TRPM3: variants seen among roughly 807,000 people sequenced by gnomAD.
TRPM3 encodes transient receptor potential cation channel subfamily M member 3, also known as long transient receptor potential channel 3.
A neutral mutation model predicts 181.2 loss-of-function variants in TRPM3; 77 were observed. The observed-to-expected ratio is 0.42, with a 90% CI of 0.35 to 0.51. The LOEUF is 0.51. TRPM3 is among the 20% of genes least tolerant of loss of function. The pLI is 0.01. For missense variants in TRPM3, 1,759 were observed against 2,196.7 expected, an observed-to-expected ratio of 0.80 and a Z score of 3.98; for synonymous variants, 745 against 796.4, an observed-to-expected ratio of 0.94 and a Z score of 1.09.
chr9:71,210,907 T>C (rs773235559), intron 1 of TRPM3, among the ~76,000 whole-genome samples: 1 of 152,216 alleles, frequency 6.6e-6, no homozygotes, highest in Non-Finnish European at 1.5e-5. Flanking sequence ...ACAGAGAACG[T>C]AAGAAGGCAT....
At chr9:71,037,266 C>G (rs2058316880) in intron 1 of TRPM3, among the ~76,000 whole-genome samples, 1 of 152,118 alleles carries the variant, frequency 6.6e-6, no homozygotes, top group Admixed American at 6.5e-5. Flanking sequence ...GTATATAAGA[C>G]CAGTCTACTT....
At chr9:71,270,044 A>T (rs1025053603) in intron 1 of TRPM3, among the ~76,000 whole-genome samples, 1 of 152,078 alleles carries the variant, frequency 6.6e-6, no homozygotes, top group East Asian at 1.9e-4. Context: ...TTCTTTTCTC[A>T]TAATTGTATT....
At chr9:70,604,194 C>T (rs1363405581) in intron 19 of TRPM3, among the ~76,000 whole-genome samples, 1 of 152,124 alleles carries the variant, frequency 6.6e-6, no homozygotes, top group Non-Finnish European at 1.5e-5. Flanking sequence ...GGGGTTGAAT[C>T]CTGATGTGAC....
At chr9:71,276,182 G>A (rs2084199332) in intron 1 of TRPM3, among the ~76,000 whole-genome samples, 1 of 152,086 alleles carries the variant, frequency 6.6e-6, no homozygotes, top group Non-Finnish European at 1.5e-5. Context: ...TGGAACAACT[G>A]ACTACATACG....
rs965033951 is a variant in TRPM3, at chr9:71,249,119, A to T, written c.183+197534T>A. On this transcript the variant is annotated intron_variant, in intron 1 of 24. Coordinates refer to the TRPM3 transcript ENST00000357533. ...GTTAATAGCAAAACTCATCTGGAGG[A>T]TCTTTAAAATGCTCTGAAAGTAATC... 2.0e-5 allele frequency among the ~76,000 whole-genome samples: 3 copies of T among 152,312 alleles called. No individual in the cohort carries two copies. The East Asian group carries it at 5.8e-4, about 29-fold the overall frequency.
At chr9:70,674,724 A>ATTT (rs67630432) in intron 9 of TRPM3, among the ~76,000 whole-genome samples, 6,807 of 97,840 alleles carry the variant, frequency 0.07, 526 homozygotes, top group Non-Finnish European at 0.088. Context: ...TATTCAGGCT[A>ATTT]TTTTTTTTTT....
chr9:70,546,358 G>A (rs1253042445), intron 25 of TRPM3, among the ~76,000 whole-genome samples: 1 of 152,126 alleles, frequency 6.6e-6, no homozygotes, highest in African/African-American at 2.4e-5. Flanking sequence ...TAGGAAGGGG[G>A]CTACCCAGCA....
intron 1 of TRPM3, among the ~76,000 whole-genome samples, chr9:70,955,371 T>C (rs180741453): frequency 2.6e-4 from 39 of 152,328 alleles, no homozygotes; most frequent in African/African-American, 8.7e-4. Context: ...ATTTTTATTT[T>C]CATTTATACT....
At chr9:70,916,828 C>T (rs557756688) in intron 1 of TRPM3, among the ~76,000 whole-genome samples, 1 of 152,326 alleles carries the variant, frequency 6.6e-6, no homozygotes, top group South Asian at 2.1e-4. Context: ...AATAACTTCA[C>T]AGTATGGTGA....
At chr9:70,603,579 A>G (rs1185332354) in intron 19 of TRPM3, 109 bp from the exon 20 acceptor site, 2 of 1,222,616 alleles carry the variant, frequency 1.6e-6, no homozygotes, top group South Asian at 3.4e-5. Context: ...CAGGACACAG[A>G]CTTTATGACA....
At chr9:70,921,974 C>CACACACACACACACAT (rs1168237101) in intron 1 of TRPM3, among the ~76,000 whole-genome samples, 5 of 150,428 alleles carry the variant, frequency 3.3e-5, no homozygotes, top group African/African-American at 1.2e-4. Flanking sequence ...CACACACACA[C>CACACACACACACACAT]ATATAGTTAT....
intron 1 of TRPM3, among the ~76,000 whole-genome samples, chr9:71,442,009 G>A (rs2094142369): frequency 6.6e-6 from 1 of 152,166 alleles, no homozygotes; most frequent in South Asian, 2.1e-4. Flanking sequence ...CTCAAAGAGG[G>A]CAAGTCAACA....
rs150690404 is a variant in TRPM3, at chr9:71,334,367, C to T, written c.183+112286G>A. On this transcript the variant is annotated intron_variant, in intron 1 of 24. Coordinates refer to the TRPM3 transcript ENST00000357533. The stretch of plus-strand genomic sequence containing the variant: ...ATGTGAAAGACTATACTGTGGTTAA[C>T]ATACATGAGTTGCAAACCGCTAGGA... 1.0e-3 allele frequency among the ~76,000 whole-genome samples: 157 copies of T among 151,874 alleles called. 3 individuals are homozygous for T. Among genetic ancestry groups the T allele is most frequent in the South Asian group, 7.7e-3 (37 of 4,826 alleles).
At chr9:70,774,423 T>G (rs542596292) in intron 7 of TRPM3, 1 of 152,322 alleles carries the variant, frequency 6.6e-6, no homozygotes, top group East Asian at 1.9e-4. Context: ...ACATACAAAA[T>G]GTATGTTGAT....
At chr9:70,984,101 T>C (rs2134052070) in intron 1 of TRPM3, among the ~76,000 whole-genome samples, 1 of 152,348 alleles carries the variant, frequency 6.6e-6, no homozygotes, top group East Asian at 1.9e-4. Context: ...ACACTGTGTT[T>C]ATTTCACAGG....
In TRPM3 at chr9:70,790,105, G is replaced by T. The variant is rs116264239; in HGVS notation, c.974-5826C>A. On this transcript the variant is annotated intron_variant, in intron 6 of 25. Coordinates refer to ENST00000677713, the MANE Select transcript of TRPM3 (RefSeq NM_001366145.2). ...AACATTTGGTGTTTAATAGTAAAATGCCTGGGTAAAATTTCAATCAAACTA... is the reference window on the plus strand; with the variant it reads ...AACATTTGGTGTTTAATAGTAAAATTCCTGGGTAAAATTTCAATCAAACTA... 4.4e-3 allele frequency among the ~76,000 whole-genome samples: 667 copies of T among 152,266 alleles called. 8 individuals are homozygous for T. The highest frequency in any genetic ancestry group is 0.016 in the African/African-American group (651 of 41,564).
At chr9:71,401,043 C>T (rs1465985509) in intron 1 of TRPM3, among the ~76,000 whole-genome samples, 1 of 151,650 alleles carries the variant, frequency 6.6e-6, no homozygotes, top group African/African-American at 2.4e-5. Flanking sequence ...ACTAAAAATA[C>T]AAAAATTGGC....
chr9:71,400,700 G>A (rs746102225), intron 1 of TRPM3, among the ~76,000 whole-genome samples: 11 of 151,676 alleles, frequency 7.3e-5, no homozygotes, highest in Admixed American at 2.6e-4. Context: ...TGGTAAAGAG[G>A]TATAATCTAC....
At chr9:71,434,227 A>G (rs1239505593) in intron 1 of TRPM3, among the ~76,000 whole-genome samples, 3 of 152,112 alleles carry the variant, frequency 2.0e-5, no homozygotes. Flanking sequence ...CCCAAAATTC[A>G]TATGTTTAAA....
Sources: allele counts gnomAD v4.1 joint callset (sites outside exome capture counted in the v4.1 genomes callset), GRCh38; gene constraint gnomAD v4.1.1; transcripts MANE v1.5; gene names NCBI Gene and HGNC (gene_info 2026-07-23, HGNC 2026-07-21).